The following PAN2 variants were observed in gnomAD, a reference collection of about 807,000 sequenced individuals.
PAN2 encodes poly(A) specific ribonuclease subunit PAN2, also known as PAN2-PAN3 deadenylation complex catalytic subunit PAN2.
A neutral mutation model predicts 133.3 loss-of-function variants in PAN2; 68 were observed. That is an observed-to-expected ratio of 0.51 (90% CI 0.42 to 0.62). The LOEUF (loss-of-function observed/expected upper bound fraction) is 0.62. PAN2 is among the 20% of genes least tolerant of loss of function. The probability of loss-of-function intolerance (pLI) is 0.00; values close to 1 mark genes in which losing one functional copy is unlikely to be tolerated. For missense variants in PAN2, 1,042 were observed against 1,500.5 expected (o/e 0.69, Z 5.05); for synonymous variants, 462 against 544.6 (o/e 0.85, Z 2.11).
rs757975608 is a variant in PAN2, at chr12:56,324,473, T to C, written c.1749A>G (p.Ala583=). The C allele has an allele frequency of 2.2e-5, 36 of 1,613,644 alleles. No homozygotes were observed. In the South Asian group the frequency reaches 3.7e-4, roughly 17 times the overall value. ...CTGAGGCCTCAGGAATAGTACGGAA[T>C]GCCCGAAGAAAATTATTGCCCTGGA... ...DPCQGNNFLR[A]FRTIPEASAL... is the part of the protein sequence containing the mutation. The change falls in exon 12 of 26, where the codon GCA becomes GCG. Residue 583 remains alanine (A), a synonymous_variant. Coordinates refer to ENST00000440411, the MANE Select transcript of PAN2 (RefSeq NM_014871.6).
Position 56,333,216 on chromosome 12 carries a change from G to C in PAN2, c.-114-8C>G. The stretch of plus-strand genomic sequence containing the variant: ...TAGAATGGACATCCTGGCCTGTAAG[G>C]GGAAAGAGGTAGCTGAGTCAAGGGT... On this transcript the variant is annotated splice_polypyrimidine_tract_variant and splice_region_variant and intron_variant, in intron 1 of 25. Coordinates refer to ENST00000440411, the MANE Select transcript of PAN2 (RefSeq NM_014871.6). 9.6e-7 allele frequency: 1 copy of C among 1,036,624 alleles called. No individual in the cohort carries two copies. Among genetic ancestry groups the C allele is most frequent in the Non-Finnish European group, 1.4e-6 (1 of 705,236 alleles). 64.2% of individuals were successfully genotyped at this position (1,036,624 alleles called of 1,614,324 possible).
intron 2 of PAN2, among the ~76,000 whole-genome samples, chr12:56,329,685 T>G (rs894763657): frequency 7.3e-5 from 11 of 151,494 alleles, no homozygotes; most frequent in African/African-American, 1.9e-4. Flanking sequence ...TGGCTCACAC[T>G]GTAATCCCAG....
At chr12:56,327,902 C>A in intron 5 of PAN2, 93 bp downstream of exon 5, 1 of 1,570,120 alleles carries the variant, frequency 6.4e-7, no homozygotes. Flanking sequence ...ACCTCCAATC[C>A]AACTACACCC....
At chr12:56,332,662 C>T (rs1333317264) in intron 2 of PAN2, 151 bp downstream of exon 2, 2 of 711,964 alleles carry the variant, frequency 2.8e-6, no homozygotes, top group African/African-American at 3.6e-5. Flanking sequence ...CTCCTAGATC[C>T]TAGATTCTCC....
chr12:56,328,014 CAGA>C lies in PAN2; in HGVS notation c.629_631del (p.Phe210del), dbSNP rs766936990. On this transcript the variant is annotated inframe_deletion, in exon 5 of 26. Transcript: ENST00000440411. Reference sequence around the variant, plus strand: ...GGCCACCTTGCCAGACGTGTGGCCGCAGAAGAAGAAGCGATTTGTCTGTCTCAT... The same window carrying C: ...GGCCACCTTGCCAGACGTGTGGCCGCAGAAGAAGCGATTTGTCTGTCTCAT... The C allele has an allele frequency of 5.6e-6, 9 of 1,613,782 alleles. No homozygotes were observed. The highest frequency in any genetic ancestry group is 2.7e-5 in the African/African-American group (2 of 74,890).
rs570900366 is a variant in PAN2 at position 56,330,360 on chromosome 12, T to TTC, written c.283-1720_283-1719insGA. 7.6e-3 allele frequency among the ~76,000 whole-genome samples: 749 copies of TTC among 98,620 alleles called. 7 individuals are homozygous for TTC. The highest frequency in any genetic ancestry group is 0.013 in the Non-Finnish European group (597 of 47,300). 64.7% of individuals were successfully genotyped at this position (98,620 alleles called of 152,430 possible). ...TTACTCAACTGTATTTTTCTTTTTT[T>TTC]TTTTTTTTTTTTTTTTTGAGACGGA... On this transcript the variant is annotated intron_variant, in intron 2 of 25. Coordinates refer to ENST00000440411, the MANE Select transcript of PAN2 (RefSeq NM_014871.6).
rs1264048253 is a variant in PAN2, at chr12:56,322,482, C to T, written c.2638G>A (p.Gly880Ser). 3 of 1,613,648 alleles carry T rather than the reference C, an allele frequency of 1.9e-6. No individual in the cohort carries two copies. Among genetic ancestry groups the T allele is most frequent in the Non-Finnish European group, 2.5e-6 (3 of 1,179,696 alleles). The change falls in exon 19 of 26, where the codon GGC becomes AGC. Residue 880 changes from glycine (G) to serine (S), a missense_variant and splice_region_variant. Around this residue, in one of 3 missense-constraint regions of PAN2, gnomAD observed 908 missense variants for 1,223.5 expected, o/e 0.74. Coordinates refer to ENST00000440411, the MANE Select transcript of PAN2 (RefSeq NM_014871.6). ...VGETYHQRKE[G>S]VTHQQWYLFN... The stretch of plus-strand genomic sequence containing the variant: ...AGATACCACTGCTGGTGAGTAACGC[C>T]CTATGGAAATACAAAGAAAGCCTGT...
rs540503326 is a variant in PAN2 at position 56,324,517 on chromosome 12, G to T, written c.1729-24C>A. 1.0e-4 allele frequency: 161 copies of T among 1,612,498 alleles called. 2 individuals carry two copies. In the South Asian group the frequency reaches 1.7e-3, roughly 17 times the overall value. ...CCCTGGAAATGTGTTGGTGGAAAGG[G>T]GTTATTTTGTCTTTTGTGTCCACCT... On this transcript the variant is annotated intron_variant, in intron 11 of 25. Coordinates refer to ENST00000440411, the MANE Select transcript of PAN2 (RefSeq NM_014871.6).
chr12:56,329,253 G>A (rs534418452), intron 2 of PAN2, among the ~76,000 whole-genome samples: 1 of 151,970 alleles, frequency 6.6e-6, no homozygotes, highest in Admixed American at 6.5e-5. Context: ...CTACCTAGTT[G>A]ACCAAGCCAT....
intron 24 of PAN2, chr12:56,318,635 C>T (rs1874165809): frequency 3.6e-6 from 2 of 562,420 alleles, no homozygotes; most frequent in African/African-American, 3.8e-5. Flanking sequence ...GAGGGTCTCC[C>T]CTACTCCCAT....
chr12:56,319,002 T>A lies in PAN2; in HGVS notation c.3364+86A>T. 3.1e-6 allele frequency: 4 copies of A among 1,300,388 alleles called. No individual in the cohort carries two copies. In the South Asian group the frequency reaches 3.6e-5, roughly 12 times the overall value. The allele number at this position is 1,300,388 out of a possible 1,614,324, so 80.6% of individuals were successfully genotyped here. A position where few individuals can be genotyped will look rare whatever the true frequency, so the allele number is the denominator to read the frequency against. ...ATGATGGCCCACAGCTCCATCCATG[T>A]TGCCGCAAAGAACATGATTTCTTTT... On this transcript the variant is annotated intron_variant, in intron 24 of 25. Transcript: ENST00000440411. This position sits in a 1 kb window ranked among gnomAD's most constrained non-coding sequence, Gnocchi z 5.4.
intron 14 of PAN2, 29 bp from the exon 15 acceptor site, chr12:56,323,627 C>T: frequency 6.3e-7 from 1 of 1,595,846 alleles, no homozygotes. Context: ...CAAGGAATGG[C>T]AGGGAATGTA....
intron 13 of PAN2, 64 bp downstream of exon 13, chr12:56,323,985 T>G: frequency 1.2e-6 from 2 of 1,610,474 alleles, no homozygotes; most frequent in Non-Finnish European, 8.5e-7. Context: ...ACCCTCTCCC[T>G]GATATTACAG....
Position 56,322,146 on chromosome 12 carries a change from A to G in PAN2, c.2720T>C (p.Met907Thr), listed in dbSNP as rs1225903480. 1.9e-6 allele frequency: 3 copies of G among 1,606,100 alleles called. No homozygotes were observed. The highest frequency in any genetic ancestry group is 2.6e-6 in the Non-Finnish European group (3 of 1,172,752). Residue 907 changes from methionine to threonine, a missense_variant, in exon 20 of 26, where the codon ATG (methionine) becomes ACG (threonine). Met to Thr is a moderately conservative substitution (Grantham distance 81). Coordinates refer to ENST00000440411, the MANE Select transcript of PAN2 (RefSeq NM_014871.6). ...AAGGATTGCAGGTACTTTCCAATTC[A>G]TGTCAAACTGCACAGCTTCATGCTA... is the stretch of plus-strand genomic sequence containing the variant. Reference protein sequence around the residue: ...IDKHEAVQFDMNWKVPAILYY... With the variant: ...IDKHEAVQFDTNWKVPAILYY...
rs576027079 is a variant in PAN2 at position 56,319,574 on chromosome 12, A to G, written c.3090+47T>C. On this transcript the variant is annotated intron_variant, in intron 22 of 25. Transcript: ENST00000440411. The surrounding 1 kb of genome is among the most constrained non-coding windows in gnomAD (Gnocchi z 5.4). ...TCTTCCCTGGGTTCTTGAGCACTGT[A>G]AGTAAGCACCAGGGTGTGCCTCACT... is the stretch of plus-strand genomic sequence containing the variant. 1 of 1,590,138 alleles carries G rather than the reference A, an allele frequency of 6.3e-7. No homozygotes were observed. Among genetic ancestry groups the G allele is most frequent in the South Asian group, 1.2e-5 (1 of 86,724 alleles).
Position 56,328,241 on chromosome 12 carries a change from C to A in PAN2, c.570G>T (p.Gln190His). 6.3e-7 allele frequency: 1 copy of A among 1,589,902 alleles called. No individual in the cohort carries two copies. Residue 190 changes from glutamine to histidine, a missense_variant, in exon 4 of 26, where the codon CAG becomes CAT. By Grantham distance (24) the Gln-to-His change is conservative. Around this residue, in one of 3 missense-constraint regions of PAN2, gnomAD observed 908 missense variants for 1,223.5 expected, o/e 0.74. Transcript: ENST00000440411. ...EIDLNTVQET[Q>H]KYAVETPGVT... ...CTTTCTTGCCCCAAGCTTGTACCTTCTGAGTCTCCTGGACAGTGTTAAGAT... is the reference window on the plus strand; with the variant it reads ...CTTTCTTGCCCCAAGCTTGTACCTTATGAGTCTCCTGGACAGTGTTAAGAT...
At chr12:56,322,331 G>T in intron 19 of PAN2, 92 bp downstream of exon 19, 1 of 1,187,226 alleles carries the variant, frequency 8.4e-7, no homozygotes, top group Non-Finnish European at 1.3e-6. Flanking sequence ...CTCCCTCCCT[G>T]TTGAATCTGC....
intron 2 of PAN2, among the ~76,000 whole-genome samples, chr12:56,331,285 G>C (rs575470244): frequency 6.6e-6 from 1 of 152,312 alleles, no homozygotes; most frequent in African/African-American, 2.4e-5. Context: ...TGTAGTTCCT[G>C]AATTTTGTAC....
rs1345053066 is a variant in PAN2, at chr12:56,317,544, C to T, written c.*65G>A. On this transcript the variant is annotated 3_prime_UTR_variant, in exon 26 of 26. Transcript: ENST00000440411. The stretch of plus-strand genomic sequence containing the variant: ...ACAAGGTATAGCCAACTTAGGAAGC[C>T]ATCTCCCAGTTCTGGGGCTATAGAA... 30 of 1,426,748 alleles carry T rather than the reference C, an allele frequency of 2.1e-5. No homozygotes were observed. In the East Asian group the frequency reaches 6.6e-4, roughly 31 times the overall value. 88.4% of individuals were successfully genotyped at this position (1,426,748 alleles called of 1,614,324 possible).
Sources: gnomAD v4.1 joint callset for allele counts (sites outside exome capture counted in the v4.1 genomes callset) on GRCh38, gnomAD v4.1.1 for gene constraint, gnomAD v4.1.1 regional missense constraint, Gnocchi (gnomAD v3.1) non-coding constraint, MANE v1.5 for transcripts, NCBI Gene and HGNC (gene_info 2026-07-23, HGNC 2026-07-21) for gene names.